NIPBL: variants seen among roughly 807,000 people sequenced by gnomAD.
NIPBL encodes NIPBL cohesin loading factor.
Under a neutral mutation model 321.8 loss-of-function variants are expected in NIPBL, and 19 were observed. The ratio of observed to expected loss-of-function variants is 0.06; its 90% CI spans 0.04 to 0.09. The LOEUF (loss-of-function observed/expected upper bound fraction) is 0.09. Among genes scored for constraint, NIPBL ranks in the 10% least tolerant of loss-of-function variants. The pLI is 1.00. For synonymous variants in NIPBL, 1,106 were observed against 1,114.1 expected (o/e 0.99, Z 0.14); for missense variants, 2,210 against 3,327.0 (o/e 0.66, Z 8.26).
At chr5:36,986,825 A>G (rs901310972) in intron 10 of NIPBL, among the ~76,000 whole-genome samples, 2 of 152,118 alleles carry the variant, frequency 1.3e-5, no homozygotes, top group African/African-American at 4.8e-5. Context: ...TTGTTTATGC[A>G]AAGGTAATAG....
chr5:37,020,231 C>G (rs1451159322), intron 25 of NIPBL, among the ~76,000 whole-genome samples: 1 of 152,102 alleles, frequency 6.6e-6, no homozygotes, highest in Non-Finnish European at 1.5e-5. Context: ...ATCAAATTAT[C>G]TTGACTTCAT....
At chr5:37,010,559 G>A (rs1748000707) in intron 21 of NIPBL, among the ~76,000 whole-genome samples, 1 of 152,162 alleles carries the variant, frequency 6.6e-6, no homozygotes. Context: ...ACCCTCCTCA[G>A]CCTCCCAAAG....
intron 31 of NIPBL, 106 bp downstream of exon 31, chr5:37,026,433 G>A: frequency 1.4e-6 from 1 of 736,310 alleles, no homozygotes; most frequent in Non-Finnish European, 2.5e-6. Flanking sequence ...CATTAATCTT[G>A]ACATTTCGTA....
At chr5:36,968,563 G>T (rs927351845) in intron 6 of NIPBL, among the ~76,000 whole-genome samples, 2 of 151,658 alleles carry the variant, frequency 1.3e-5, no homozygotes, top group African/African-American at 4.8e-5. Flanking sequence ...AAAAAAAAAA[G>T]AAGAAAAATA....
chr5:36,938,503 A>G (rs773045645), intron 1 of NIPBL, among the ~76,000 whole-genome samples: 4 of 152,210 alleles, frequency 2.6e-5, no homozygotes, highest in African/African-American at 7.2e-5. Context: ...GTTTGAAATT[A>G]TATCAAAAGT....
intron 30 of NIPBL, among the ~76,000 whole-genome samples, chr5:37,025,130 A>C (rs973930896): frequency 1.3e-5 from 2 of 152,188 alleles, no homozygotes; most frequent in African/African-American, 4.8e-5. Context: ...GAGCATGCCT[A>C]TAGTTCCAGC....
In NIPBL at chr5:37,059,127, A is replaced by G; in HGVS notation, c.7647A>G (p.Leu2549=). 1 of 1,614,192 alleles carries G rather than the reference A, an allele frequency of 6.2e-7. No individual in the cohort carries two copies. Among genetic ancestry groups the G allele is most frequent in the Non-Finnish European group, 8.5e-7 (1 of 1,180,018 alleles). Residue 2549 remains leucine (L), a synonymous_variant, in exon 44 of 47, where the codon TTA becomes TTG. Transcript: ENST00000282516. ...VSQGILLLLM[L]KQHLKNLCGF... ...AGGGTATTTTATTACTTCTCATGTT[A>G]AAACAACATTTGAAGAATCTTTGTG...
intron 6 of NIPBL, among the ~76,000 whole-genome samples, chr5:36,965,050 G>A (rs1742052496): frequency 6.6e-6 from 1 of 152,152 alleles, no homozygotes; most frequent in South Asian, 2.1e-4. Context: ...AGGATGTGAA[G>A]AAAAGGGAAT....
chr5:36,885,163 G>T, intron 1 of NIPBL: 1 of 485,276 alleles, frequency 2.1e-6, no homozygotes, highest in South Asian at 1.6e-5. Flanking sequence ...TTCAGGGTCA[G>T]CAAAGCCTGA....
chr5:36,971,670 T>C (rs1447457436), intron 7 of NIPBL: 1 of 223,876 alleles, frequency 4.5e-6, no homozygotes, highest in Non-Finnish European at 7.5e-6. Context: ...AGAGTATTCA[T>C]AGCTCCTTTT....
chr5:36,884,165 T>C (rs1047436864), intron 1 of NIPBL, among the ~76,000 whole-genome samples: 1 of 152,118 alleles, frequency 6.6e-6, no homozygotes, highest in Non-Finnish European at 1.5e-5. Context: ...TTTTTATGTA[T>C]CTCTTCCTTT....
At chr5:36,998,750 A>G (rs1287652494) in intron 11 of NIPBL, among the ~76,000 whole-genome samples, 2 of 152,302 alleles carry the variant, frequency 1.3e-5, no homozygotes, top group Admixed American at 6.5e-5. Flanking sequence ...CTAAGGAATT[A>G]TATATAGAAA....
chr5:36,912,539 C>T (rs1748126821), intron 1 of NIPBL, among the ~76,000 whole-genome samples: 2 of 147,282 alleles, frequency 1.4e-5, no homozygotes, highest in Admixed American at 6.8e-5. Flanking sequence ...ATCTCACTGT[C>T]GCCCAGGCTG....
At chr5:36,981,827 A>C (rs980596673) in intron 9 of NIPBL, among the ~76,000 whole-genome samples, 5 of 151,774 alleles carry the variant, frequency 3.3e-5, no homozygotes, top group Non-Finnish European at 5.9e-5. Context: ...CCCTTGTTAA[A>C]AGTCAATGAT....
intron 1 of NIPBL, among the ~76,000 whole-genome samples, chr5:36,909,618 A>G (rs1336170243): frequency 1.3e-5 from 2 of 152,192 alleles, no homozygotes; most frequent in Non-Finnish European, 2.9e-5. Context: ...ACTAAAAAAA[A>G]GAACGAAATA....
chr5:36,997,569 T>C (rs1483473286), intron 11 of NIPBL, among the ~76,000 whole-genome samples: 1 of 152,140 alleles, frequency 6.6e-6, no homozygotes, highest in East Asian at 1.9e-4. Flanking sequence ...TGCCCAACTA[T>C]ATCGAAAGGT....
intron 1 of NIPBL, among the ~76,000 whole-genome samples, chr5:36,918,824 C>T (rs553432368): frequency 6.6e-5 from 10 of 152,122 alleles, no homozygotes; most frequent in African/African-American, 2.2e-4. Flanking sequence ...TGATGGATTA[C>T]GTTTATTGAT....
At chr5:37,045,886 T>C (rs181416138) in intron 37 of NIPBL, among the ~76,000 whole-genome samples, 1 of 152,308 alleles carries the variant, frequency 6.6e-6, no homozygotes, top group East Asian at 1.9e-4. Context: ...AAAATTTTTT[T>C]CAATGAAGGA....
Position 36,926,991 on chromosome 5 carries a change from GT to G in NIPBL, c.-79-26624del, listed in dbSNP as rs1178092060. On this transcript the variant is annotated intron_variant, in intron 1 of 46. Transcript: ENST00000282516. ...ATTTTTCCTGAAGCTGAACCAAAAT[GT>G]TTATTGGTTTGATTTGAAAGGAGAA... 2.0e-5 allele frequency among the ~76,000 whole-genome samples: 3 copies of G among 152,258 alleles called. No individual in the cohort carries two copies. The East Asian group carries it at 5.8e-4, about 29-fold the overall frequency.
Sources: allele counts gnomAD v4.1 joint callset (sites outside exome capture counted in the v4.1 genomes callset), GRCh38; gene constraint gnomAD v4.1.1; transcripts MANE v1.5; gene names NCBI Gene and HGNC (gene_info 2026-07-23, HGNC 2026-07-21).